Variants in AATK observed in about 807,000 individuals in gnomAD.
AATK encodes the protein serine/threonine-protein kinase LMTK1.
In AATK, 91 loss-of-function variants were observed where a neutral mutation model predicts 114.3. The ratio of observed to expected loss-of-function variants is 0.80; its 90% CI spans 0.67 to 0.95. The LOEUF (loss-of-function observed/expected upper bound fraction) is 0.95. AATK is among the 40% of genes least tolerant of loss of function. The pLI is 0.00. For synonymous variants in AATK, 1,075 were observed against 916.5 expected, an observed-to-expected ratio of 1.17 and a Z score of -3.12; for missense variants, 2,176 against 1,965.2, an observed-to-expected ratio of 1.11 and a Z score of -2.03.
intron 1 of AATK, chr17:81,135,754 C>T (rs2146339046): frequency 6.6e-6 from 1 of 152,396 alleles, no homozygotes; most frequent in South Asian, 2.1e-4. Context: ...GCTTCCTGCT[C>T]AGGTCTCCAG....
intron 7 of AATK, chr17:81,125,925 C>T (rs1459815126): frequency 2.1e-6 from 1 of 478,006 alleles, no homozygotes; most frequent in East Asian, 6.7e-5. Flanking sequence ...TGAGTCATCA[C>T]TCAGCACCAG....
intron 1 of AATK, among the ~76,000 whole-genome samples, chr17:81,151,393 T>A (rs1238665010): frequency 1.1e-5 from 1 of 94,252 alleles, no homozygotes; most frequent in South Asian, 4.5e-4. Flanking sequence ...AACTTTTCTA[T>A]GACGCAAGGC....
At chr17:81,133,963 C>A (rs11868376) in intron 2 of AATK, among the ~76,000 whole-genome samples, 1 of 152,276 alleles carries the variant, frequency 6.6e-6, no homozygotes, top group African/African-American at 2.4e-5. Flanking sequence ...AGATTGAATT[C>A]GGAGGGACGT....
chr17:81,149,133 C>T (rs969553550), intron 1 of AATK, among the ~76,000 whole-genome samples: 4 of 152,140 alleles, frequency 2.6e-5, no homozygotes, highest in Non-Finnish European at 4.4e-5. Flanking sequence ...GGGGCAGCCC[C>T]GCCAGCCTCC....
intron 13 of AATK, 131 bp downstream of exon 13, chr17:81,119,249 G>T (rs2060645093): frequency 4.1e-6 from 4 of 982,932 alleles, no homozygotes; most frequent in Non-Finnish European, 5.6e-6. Context: ...AAGGAGCGGG[G>T]CCGGGAAGGA....
chr17:81,134,332 GA>G, intron 2 of AATK, 35 bp downstream of exon 2: 1 of 1,610,942 alleles, frequency 6.2e-7, no homozygotes, highest in Non-Finnish European at 8.5e-7. Context: ...TTGCCTGCGG[GA>G]TCCCACGACA....
intron 1 of AATK, among the ~76,000 whole-genome samples, chr17:81,135,071 C>T (rs1329440387): frequency 2.0e-5 from 3 of 152,186 alleles, no homozygotes; most frequent in Non-Finnish European, 4.4e-5. Flanking sequence ...GCCTCGAATC[C>T]GTCCCCTTGC....
chr17:81,156,474 T>A (rs2061368557), intron 1 of AATK, among the ~76,000 whole-genome samples: 1 of 152,222 alleles, frequency 6.6e-6, no homozygotes, highest in African/African-American at 2.4e-5. Context: ...CTCGGCTCAC[T>A]GCAAGCTCCG....
chr17:81,121,215 G>T lies in AATK; in HGVS notation c.2721C>A (p.Asp907Glu), dbSNP rs1297533015. 1 of 1,603,336 alleles carries T rather than the reference G, an allele frequency of 6.2e-7. No individual in the cohort carries two copies. The highest frequency in any genetic ancestry group is 1.1e-5 in the South Asian group (1 of 89,432). ...CACCATCACTGGCTGAGGACGGGAT[G>T]TCCAGGGAGTCCAGGGAGTCGGGGG... The part of the protein sequence containing the change: ...VGTPDSLDSL[D>E]IPSSASDGGY... Residue 907 changes from aspartate to glutamate, a missense_variant, in exon 11 of 14, where the codon GAC becomes GAA. Asp to Glu is a conservative substitution (Grantham distance 45). This residue lies in a region of AATK where 1,701 missense variants were observed against 1,394.7 expected (regional missense o/e 1.22). Transcript: ENST00000326724.
In AATK at chr17:81,166,172, C is replaced by G. The variant is rs1297108749; in HGVS notation, c.-180G>C. ...CACCGGTGGGGGCGGCGGCGACAGA[C>G]GAGGCGCTCCGCCCGGCCCTGGCGC... On this transcript the variant is annotated 5_prime_UTR_variant, in exon 1 of 14. Transcript: ENST00000326724. 1 of 189,172 alleles carries G rather than the reference C, an allele frequency of 5.3e-6. No individual in the cohort carries two copies. The highest frequency in any genetic ancestry group is 9.3e-6 in the Non-Finnish European group (1 of 107,384). 11.7% of individuals were successfully genotyped at this position (189,172 alleles called of 1,614,324 possible). A position where few individuals can be genotyped will look rare whatever the true frequency, so the allele number is the denominator to read the frequency against.
At chr17:81,165,253 C>A (rs915122407) in intron 1 of AATK, among the ~76,000 whole-genome samples, 1 of 152,236 alleles carries the variant, frequency 6.6e-6, no homozygotes, top group African/African-American at 2.4e-5. Context: ...AGCTGTCCAC[C>A]ACAGCCAGGA....
chr17:81,151,822 C>CAT (rs1171490928), intron 1 of AATK, among the ~76,000 whole-genome samples: 1 of 152,216 alleles, frequency 6.6e-6, no homozygotes, highest in Non-Finnish European at 1.5e-5. Context: ...GGGAGATGCA[C>CAT]ATGGTGGCCA....
chr17:81,155,276 A>G (rs1050368386), intron 1 of AATK, among the ~76,000 whole-genome samples: 2 of 152,260 alleles, frequency 1.3e-5, no homozygotes, highest in African/African-American at 4.8e-5. Context: ...GACTTAAGTC[A>G]TCGTCACAGT....
At chr17:81,134,340 G>T in intron 2 of AATK, 28 bp downstream of exon 2, 1 of 1,611,676 alleles carries the variant, frequency 6.2e-7, no homozygotes. Context: ...GGGATCCCAC[G>T]ACAGCTCCCG....
At chr17:81,129,142 C>T (rs947886607) in intron 3 of AATK, among the ~76,000 whole-genome samples, 11 of 152,224 alleles carry the variant, frequency 7.2e-5, no homozygotes, top group East Asian at 1.9e-4. Context: ...GCCCACGCCC[C>T]GAGGGATTCC....
chr17:81,120,825 G>C lies in AATK; in HGVS notation c.3111C>G (p.Val1037=), dbSNP rs373252667. The C allele has an allele frequency of 2.5e-6, 4 of 1,576,582 alleles. No individual in the cohort carries two copies. The African/African-American group carries it at 4.1e-5, about 16-fold the overall frequency. The change falls in exon 11 of 14, where the codon GTC becomes GTG. Residue 1037 remains valine, a synonymous_variant. Coordinates refer to ENST00000326724, the MANE Select transcript of AATK (RefSeq NM_001080395.3). ...CCCCGGAAACCCCAGGCCTGAGACA[G>C]ACCTGCTCAGACGGCTGCCCAGTGC... ...LPSTGQPSEQ[V]CLRPGVSGEA... is the part of the protein sequence containing the mutation.
At chr17:81,132,009 G>A in intron 2 of AATK, 2 of 1,308,010 alleles carry the variant, frequency 1.5e-6, no homozygotes, top group South Asian at 2.5e-5. Flanking sequence ...GCCTAGGGCT[G>A]GGCCACTCCC....
chr17:81,125,950 G>C (rs550173187), intron 7 of AATK: 3 of 480,084 alleles, frequency 6.2e-6, no homozygotes, highest in African/African-American at 5.9e-5. Flanking sequence ...TTGTTGGAGA[G>C]GACAGCCGTG....
rs1290824070 is a variant in AATK, at chr17:81,126,622, C to T, written c.622-62G>A. The T allele has an allele frequency of 2.1e-5, 32 of 1,503,296 alleles. No homozygotes were observed. Among genetic ancestry groups the T allele is most frequent in the Non-Finnish European group, 2.8e-5 (31 of 1,118,348 alleles). The allele number at this position is 1,503,296 out of a possible 1,614,324, so 93.1% of individuals were successfully genotyped here. A position where few individuals can be genotyped will look rare whatever the true frequency, so the allele number is the denominator to read the frequency against. Reference sequence around the variant, plus strand: ...TGGGGGCTGGCCACCCTGGGAGGTCCCCACCTACCTCCCCAACTCCTCCAC... The same window carrying T: ...TGGGGGCTGGCCACCCTGGGAGGTCTCCACCTACCTCCCCAACTCCTCCAC... On this transcript the variant is annotated intron_variant, in intron 6 of 13. Coordinates refer to ENST00000326724, the MANE Select transcript of AATK (RefSeq NM_001080395.3). This position sits in a 1 kb window ranked among gnomAD's most constrained non-coding sequence, Gnocchi z 5.1.
Sources: allele counts gnomAD v4.1 joint callset (sites outside exome capture counted in the v4.1 genomes callset), GRCh38; gene constraint gnomAD v4.1.1; regional missense constraint gnomAD v4.1.1; non-coding constraint Gnocchi (gnomAD v3.1); transcripts MANE v1.5; gene names NCBI Gene and HGNC (gene_info 2026-07-23, HGNC 2026-07-21).